The following CABIN1 variants were observed in gnomAD, a reference collection of about 807,000 sequenced individuals.
CABIN1 encodes calcineurin-binding protein cabin-1.
CABIN1 carries 133 observed loss-of-function variants against 227.7 expected under a neutral mutation model. The observed-to-expected ratio is 0.58, with a 90% CI of 0.51 to 0.67. CABIN1 has a LOEUF of 0.67. CABIN1 is among the 30% of genes least tolerant of loss of function. CABIN1 has a pLI of 0.00. For missense variants in CABIN1, 2,408 were observed against 2,852.5 expected (o/e 0.84, Z 3.55); for synonymous variants, 1,086 against 1,155.1 (o/e 0.94, Z 1.21).
rs2148696442 is a variant in CABIN1 at position 24,166,873 on chromosome 22, A to G, written c.5242A>G (p.Lys1748Glu). ...GDSADQSGER[K>E]DKESPRAGPT... ...CAGTGCAGACCAAAGCGGGGAGCGGAAGGATAAAGAGAGCCCACGGGCAGG... is the reference window on the plus strand; with the variant it reads ...CAGTGCAGACCAAAGCGGGGAGCGGGAGGATAAAGAGAGCCCACGGGCAGG... The change falls in exon 32 of 37, where the codon AAG (lysine) becomes GAG (glutamate). Residue 1748 changes from lysine to glutamate, a missense_variant. By Grantham distance (56) the Lys-to-Glu change is moderately conservative. This residue lies in a region of CABIN1 where 714 missense variants were observed against 773.8 expected (regional missense o/e 0.92). Coordinates refer to ENST00000263119, the MANE Select transcript of CABIN1 (RefSeq NM_012295.4). 3 of 1,611,854 alleles carry G rather than the reference A, an allele frequency of 1.9e-6. No homozygotes were observed. Among genetic ancestry groups the G allele is most frequent in the Non-Finnish European group, 2.5e-6 (3 of 1,179,434 alleles).
In CABIN1 at chr22:24,171,009, T is replaced by C. The variant is rs537202974; in HGVS notation, c.5758-704T>C. 2.7e-4 allele frequency among the ~76,000 whole-genome samples: 41 copies of C among 152,268 alleles called. 1 individual carries two copies. In the East Asian group the frequency reaches 7.7e-3, roughly 29 times the overall value. On this transcript the variant is annotated intron_variant, in intron 33 of 36. Transcript: ENST00000263119. ...GCCTTCACACCTGTCCCAGGAGGGCTGGCTGGGGGTGGGAGCAAAAGTAGC... is the reference window on the plus strand; with the variant it reads ...GCCTTCACACCTGTCCCAGGAGGGCCGGCTGGGGGTGGGAGCAAAAGTAGC...
intron 1 of CABIN1, among the ~76,000 whole-genome samples, chr22:24,032,617 C>T (rs2036576144): frequency 1.3e-5 from 2 of 152,216 alleles, no homozygotes; most frequent in South Asian, 2.1e-4. Flanking sequence ...TGTACAAAGA[C>T]TCCAGTTTCT....
intron 26 of CABIN1, among the ~76,000 whole-genome samples, chr22:24,112,957 C>A (rs2147784462): frequency 6.6e-6 from 1 of 152,268 alleles, no homozygotes; most frequent in South Asian, 2.1e-4. Flanking sequence ...TCCCTCTTTG[C>A]CCCGCCCCTT....
At chr22:24,081,230 C>T (rs1880267384) in intron 19 of CABIN1, among the ~76,000 whole-genome samples, 1 of 152,164 alleles carries the variant, frequency 6.6e-6, no homozygotes, top group South Asian at 2.1e-4. Context: ...GCCTACAAAA[C>T]AGACAAGGGC....
rs144306847 is a variant in CABIN1 at position 24,166,869 on chromosome 22, G to A, written c.5238G>A (p.Glu1746=). 5 of 1,612,002 alleles carry A rather than the reference G, an allele frequency of 3.1e-6. No individual in the cohort carries two copies. The African/African-American group carries it at 6.7e-5, about 22-fold the overall frequency. ...GAGACAGTGCAGACCAAAGCGGGGAGCGGAAGGATAAAGAGAGCCCACGGG... is the reference window on the plus strand; with the variant it reads ...GAGACAGTGCAGACCAAAGCGGGGAACGGAAGGATAAAGAGAGCCCACGGG... ...DAGDSADQSG[E]RKDKESPRAG... Residue 1746 remains glutamate, a synonymous_variant, in exon 32 of 37, where the codon GAG becomes GAA. Transcript: ENST00000263119.
intron 29 of CABIN1, among the ~76,000 whole-genome samples, chr22:24,160,803 C>T (rs997221462): frequency 6.6e-6 from 1 of 152,250 alleles, no homozygotes; most frequent in African/African-American, 2.4e-5. Flanking sequence ...ACTGCACAGC[C>T]CTCCTGCCCC....
chr22:24,120,225 A>G (rs1234038214), intron 28 of CABIN1, among the ~76,000 whole-genome samples: 1 of 151,854 alleles, frequency 6.6e-6, no homozygotes, highest in Non-Finnish European at 1.5e-5. Flanking sequence ...AGCTGCCAAA[A>G]CCATCTTCAC....
chr22:24,065,012 G>A lies in CABIN1; in HGVS notation c.2037+825G>A, dbSNP rs1176454344. Among the ~76,000 whole-genome samples, 149 of 151,390 alleles carry A rather than the reference G, an allele frequency of 9.8e-4. 1 individual carries two copies. Among genetic ancestry groups the A allele is most frequent in the Middle Eastern group, 3.4e-3 (1 of 294 alleles). On this transcript the variant is annotated intron_variant, in intron 15 of 36. Coordinates refer to ENST00000263119, the MANE Select transcript of CABIN1 (RefSeq NM_012295.4). ...GAAACTGCCATTGTCATCATGGCCCGTTCTCAATGAGCTGTTGGGTACACC... is the reference window on the plus strand; with the variant it reads ...GAAACTGCCATTGTCATCATGGCCCATTCTCAATGAGCTGTTGGGTACACC...
At chr22:24,035,545 T>A in intron 2 of CABIN1, 25 bp downstream of exon 2, 1 of 1,614,126 alleles carries the variant, frequency 6.2e-7, no homozygotes, top group Non-Finnish European at 8.5e-7. Flanking sequence ...CTGCCTATTT[T>A]GCGGACCTCA....
chr22:24,055,509 C>T (rs1047463118), intron 9 of CABIN1, among the ~76,000 whole-genome samples: 2 of 152,228 alleles, frequency 1.3e-5, no homozygotes, highest in Admixed American at 6.5e-5. Context: ...GCAGAGGTCC[C>T]CTCTTCTGGT....
At chr22:24,155,828 A>G in intron 29 of CABIN1, 1 of 426,236 alleles carries the variant, frequency 2.3e-6, no homozygotes, top group East Asian at 3.8e-5. Context: ...CTGCAGTGAG[A>G]GCTGCACCCA....
chr22:24,171,610 G>A (rs955380765), intron 33 of CABIN1, 103 bp from the exon 34 acceptor site: 30 of 1,366,318 alleles, frequency 2.2e-5, no homozygotes, highest in Middle Eastern at 3.6e-4. Context: ...AGCCCCAGGC[G>A]CACAGGATGT....
At chr22:24,037,392 T>G (rs577994138) in intron 3 of CABIN1, among the ~76,000 whole-genome samples, 28 of 152,108 alleles carry the variant, frequency 1.8e-4, no homozygotes, top group Middle Eastern at 3.4e-3. Context: ...AACCTCTAAC[T>G]CCTGGGCTCA....
At chr22:24,087,736 G>A in intron 23 of CABIN1, 23 bp downstream of exon 23, 1 of 1,612,664 alleles carries the variant, frequency 6.2e-7, no homozygotes, top group Non-Finnish European at 8.5e-7. Flanking sequence ...TGCTGCAGAT[G>A]GGCTTGCCAT....
Position 24,178,513 on chromosome 22 carries a change from A to G in CABIN1, c.*317A>G, listed in dbSNP as rs376337258. 5 of 383,516 alleles carry G rather than the reference A, an allele frequency of 1.3e-5. No individual in the cohort carries two copies. The East Asian group carries it at 2.2e-4, about 17-fold the overall frequency. 23.8% of individuals were successfully genotyped at this position (383,516 alleles called of 1,614,324 possible). ...TGCCCACACCCAGCTGGCCATATCC[A>G]CCCCTCGACGCCGGGATGAGCCGGC... is the stretch of plus-strand genomic sequence containing the variant. On this transcript the variant is annotated 3_prime_UTR_variant, in exon 37 of 37. Coordinates refer to ENST00000263119, the MANE Select transcript of CABIN1 (RefSeq NM_012295.4).
intron 8 of CABIN1, among the ~76,000 whole-genome samples, chr22:24,053,428 A>T (rs929410913): frequency 2.6e-5 from 4 of 151,714 alleles, no homozygotes; most frequent in Admixed American, 1.3e-4. Context: ...CCCAGGCTGG[A>T]GTGCAGTGGT....
At position 24,070,657 on chromosome 22, in the gene CABIN1, A is replaced by G. The variant is rs1281440722; in HGVS notation, c.2233-143A>G. 12 of 1,207,286 alleles carry G rather than the reference A, an allele frequency of 9.9e-6. 1 individual carries two copies. Among genetic ancestry groups the G allele is most frequent in the African/African-American group, 8.9e-5 (6 of 67,048 alleles). The allele number at this position is 1,207,286 out of a possible 1,614,324, so 74.8% of individuals were successfully genotyped here. ...GCCCTTCTAGGCACCTCCGGGCTGC[A>G]TGGGGCCTATGTTGTGCTGGGGCTC... On this transcript the variant is annotated intron_variant, in intron 16 of 36. Coordinates refer to ENST00000263119, the MANE Select transcript of CABIN1 (RefSeq NM_012295.4).
intron 1 of CABIN1, among the ~76,000 whole-genome samples, chr22:24,025,160 A>G (rs916922404): frequency 6.6e-6 from 1 of 151,996 alleles, no homozygotes; most frequent in Non-Finnish European, 1.5e-5. Flanking sequence ...ATAATGTTGG[A>G]AGTCAGATTT....
chr22:24,065,016 T>G (rs1239596802), intron 15 of CABIN1, among the ~76,000 whole-genome samples: 9 of 152,266 alleles, frequency 5.9e-5, no homozygotes, highest in African/African-American at 2.2e-4. Context: ...TGGCCCGTTC[T>G]CAATGAGCTG....
Sources: gnomAD v4.1 joint callset for allele counts (sites outside exome capture counted in the v4.1 genomes callset) on GRCh38, gnomAD v4.1.1 for gene constraint, gnomAD v4.1.1 regional missense constraint, MANE v1.5 for transcripts, NCBI Gene and HGNC (gene_info 2026-07-23, HGNC 2026-07-21) for gene names.